The following CEP72 variants were observed in gnomAD, a reference collection of about 807,000 sequenced individuals.
CEP72 encodes the protein centrosomal protein 72.
In CEP72, 78 loss-of-function variants were observed where a neutral mutation model predicts 65.7. That is an observed-to-expected ratio of 1.19 (90% CI 0.99 to 1.43). The LOEUF is 1.43. Among genes scored for constraint, CEP72 ranks in the 40% most tolerant of loss-of-function variants. The pLI, the probability that CEP72 is intolerant of heterozygous loss-of-function variation, is 0.00. For missense variants in CEP72, 914 were observed against 832.9 expected (o/e 1.10, Z -1.20); for synonymous variants, 358 against 351.7 (o/e 1.02, Z -0.20).
chr5:619,217 A>G (rs1579927888), intron 2 of CEP72, 100 bp downstream of exon 2: 1 of 1,132,750 alleles, frequency 8.8e-7, no homozygotes, highest in Non-Finnish European at 1.3e-6. Context: ...CTCTGCTTAC[A>G]TCTGTATACG....
At chr5:622,220 C>G (rs1312617698) in intron 3 of CEP72, among the ~76,000 whole-genome samples, 1 of 152,246 alleles carries the variant, frequency 6.6e-6, no homozygotes, top group Non-Finnish European at 1.5e-5. Context: ...TTAAAGGAGT[C>G]CTCTTGGAAG....
intron 9 of CEP72, chr5:642,477 G>A: frequency 1.0e-6 from 1 of 985,496 alleles, no homozygotes; most frequent in Middle Eastern, 5.2e-4. Flanking sequence ...TCTTTTCTGT[G>A]GGACACAGTC....
rs1449819793 is a variant in CEP72, at chr5:649,464, T to TG, written c.1778+1549dup. On this transcript the variant is annotated intron_variant, in intron 11 of 11. Coordinates refer to ENST00000264935, the MANE Select transcript of CEP72 (RefSeq NM_018140.4). The stretch of plus-strand genomic sequence containing the variant: ...ACTGTGAGGTGTGGACTGTGAGGTG[T>TG]GACTGTGAGGTGTGACTGTGAGGTG... Among the ~76,000 whole-genome samples the TG allele has an allele frequency of 3.7e-4, 20 of 54,642 alleles. 2 individuals carry two copies. The highest frequency in any genetic ancestry group is 4.3e-4 in the Admixed American group (2 of 4,636). 35.8% of individuals were successfully genotyped at this position (54,642 alleles called of 152,430 possible).
Position 626,853 on chromosome 5 carries a change from G to A in CEP72, c.512+2274G>A, listed in dbSNP as rs375555708. On this transcript the variant is annotated intron_variant, in intron 4 of 11. Transcript: ENST00000264935. ...AATAGAAGTAAGTATTGAGCCAGCC[G>A]TGCATACCTAGAATAAATCCTGCCT... Among the ~76,000 whole-genome samples, 14 of 152,262 alleles carry A rather than the reference G, an allele frequency of 9.2e-5. 1 individual carries two copies. The highest frequency in any genetic ancestry group is 6.5e-4 in the Admixed American group (10 of 15,298).
intron 1 of CEP72, among the ~76,000 whole-genome samples, chr5:617,274 A>G (rs929379458): frequency 2.0e-5 from 3 of 152,010 alleles, no homozygotes; most frequent in Non-Finnish European, 4.4e-5. Flanking sequence ...TGTTCCGTAT[A>G]TTTTCCTCCA....
At position 648,734 on chromosome 5, in the gene CEP72, GCA is replaced by G. The variant is rs1561061762; in HGVS notation, c.1778+819_1778+820del. On this transcript the variant is annotated intron_variant, in intron 11 of 11. Transcript: ENST00000264935. The stretch of plus-strand genomic sequence containing the variant: ...CGTGACTGTGAGGCGTGACTGTGAG[GCA>G]TGACTGTGAGGTGTGGACTGTGAGG... 6.6e-4 allele frequency among the ~76,000 whole-genome samples: 45 copies of G among 67,814 alleles called. 5 individuals carry two copies. Among genetic ancestry groups the G allele is most frequent in the Non-Finnish European group, 1.2e-3 (37 of 29,890 alleles). 44.5% of individuals were successfully genotyped at this position (67,814 alleles called of 152,430 possible).
At chr5:651,701 G>A (rs1368221576) in intron 11 of CEP72, among the ~76,000 whole-genome samples, 2 of 152,008 alleles carry the variant, frequency 1.3e-5, no homozygotes, top group African/African-American at 2.4e-5. Flanking sequence ...AGGAAGAGGC[G>A]AGCTGCTGGA....
intron 1 of CEP72, among the ~76,000 whole-genome samples, chr5:613,743 C>A (rs1246666734): frequency 6.6e-6 from 1 of 152,198 alleles, no homozygotes; most frequent in Non-Finnish European, 1.5e-5. Context: ...AGGTAAGGGC[C>A]ATGGAATTAT....
intron 2 of CEP72, chr5:665,018 T>G: frequency 3.4e-6 from 5 of 1,477,036 alleles, no homozygotes; most frequent in South Asian, 1.3e-5. Flanking sequence ...TCTGCCCCAG[T>G]TAGTACAGGA....
chr5:650,075 CTG>C (rs1170199263), intron 11 of CEP72, among the ~76,000 whole-genome samples: 1 of 19,976 alleles, frequency 5.0e-5, no homozygotes. Flanking sequence ...TGAGGTGTGA[CTG>C]TGAGGCGTGA....
At chr5:646,733 T>C (rs1340139710) in intron 10 of CEP72, among the ~76,000 whole-genome samples, 3 of 152,222 alleles carry the variant, frequency 2.0e-5, no homozygotes, top group South Asian at 2.1e-4. Context: ...GGTTCCCTGA[T>C]TGGCCCACTG....
chr5:635,871 C>G (rs1198826730), intron 6 of CEP72, among the ~76,000 whole-genome samples: 1 of 152,204 alleles, frequency 6.6e-6, no homozygotes, highest in African/African-American at 2.4e-5. Flanking sequence ...GTGACCTGTT[C>G]CAGACTCATC....
At chr5:640,666 C>T (rs185688262) in intron 9 of CEP72, 62 bp downstream of exon 9, 453 of 1,519,594 alleles carry the variant, frequency 3.0e-4, no homozygotes, top group Non-Finnish European at 3.8e-4. Flanking sequence ...GCTCTGACTT[C>T]CAGGAACGAG....
In CEP72 at chr5:633,931, C is replaced by A; in HGVS notation, c.675C>A (p.Asp225Glu). The A allele has an allele frequency of 6.2e-7, 1 of 1,612,180 alleles. No individual in the cohort carries two copies. Among genetic ancestry groups the A allele is most frequent in the Non-Finnish European group, 8.5e-7 (1 of 1,180,014 alleles). Residue 225 changes from aspartate (D) to glutamate (E), a missense_variant, in exon 5 of 12, where the codon GAC becomes GAA. Transcript: ENST00000264935. ...TCAGCCAGAAGGGGCGTGAGGCCGA[C>A]TCTCGTGGTTCCCAAGGTGCGCTGC... is the stretch of plus-strand genomic sequence containing the variant. ...TSFSQKGREA[D>E]SRGSQESRHL...
chr5:618,638 G>A (rs562836758), intron 1 of CEP72, among the ~76,000 whole-genome samples: 3 of 152,236 alleles, frequency 2.0e-5, no homozygotes, highest in African/African-American at 7.2e-5. Context: ...TCAGGGTGGG[G>A]GCAGTGGATG....
At position 628,953 on chromosome 5, in the gene CEP72, C is replaced by T. The variant is rs1386918920; in HGVS notation, c.512+4374C>T. 2.2e-3 allele frequency among the ~76,000 whole-genome samples: 236 copies of T among 105,556 alleles called. 3 individuals are homozygous for T. Among genetic ancestry groups the T allele is most frequent in the South Asian group, 7.7e-3 (22 of 2,868 alleles). 69.2% of individuals were successfully genotyped at this position (105,556 alleles called of 152,430 possible). On this transcript the variant is annotated intron_variant, in intron 4 of 11. Coordinates refer to ENST00000264935, the MANE Select transcript of CEP72 (RefSeq NM_018140.4). ...GTGCAGCGTTCTGGAGAACTCAGGT[C>T]ACAGGCCCCGGGGAGTGTTCCCAGG...
At chr5:635,832 G>T (rs1349485322) in intron 6 of CEP72, among the ~76,000 whole-genome samples, 1 of 152,272 alleles carries the variant, frequency 6.6e-6, no homozygotes, top group Non-Finnish European at 1.5e-5. Context: ...CTGCGCTACA[G>T]CATTCCTGCC....
chr5:621,962 T>G (rs1263548914), intron 3 of CEP72, among the ~76,000 whole-genome samples: 1 of 152,186 alleles, frequency 6.6e-6, no homozygotes. Flanking sequence ...TTAGTAGAGA[T>G]AGGGTTTTGC....
downstream of CEP72, chr5:661,507 G>A (rs1739606879): frequency 6.6e-6 from 1 of 152,400 alleles, no homozygotes; most frequent in Non-Finnish European, 1.5e-5. Context: ...TGTGCAGTTT[G>A]TTATTCACAA....
Sources: allele counts gnomAD v4.1 joint callset (sites outside exome capture counted in the v4.1 genomes callset), GRCh38; gene constraint gnomAD v4.1.1; transcripts MANE v1.5; gene names NCBI Gene and HGNC (gene_info 2026-07-23, HGNC 2026-07-21).